Variants in IST1 observed in about 807,000 individuals in gnomAD.
IST1 encodes IST1 homolog.
IST1 carries 23 observed loss-of-function variants against 37.0 expected under a neutral mutation model. The ratio of observed to expected loss-of-function variants is 0.62; its 90% CI spans 0.45 to 0.88. IST1 has a LOEUF of 0.88. IST1 is among the 40% of genes least tolerant of loss of function. IST1 has a pLI of 0.00. For synonymous variants in IST1, 180 were observed against 161.7 expected, an observed-to-expected ratio of 1.11 and a Z score of -0.86; for missense variants, 488 against 445.4, an observed-to-expected ratio of 1.10 and a Z score of -0.86.
At chr16:71,901,248 C>T (rs1339840420) in intron 1 of IST1, among the ~76,000 whole-genome samples, 1 of 151,932 alleles carries the variant, frequency 6.6e-6, no homozygotes, top group Non-Finnish European at 1.5e-5. Context: ...GAATCTTGCT[C>T]TGTCGCCCAG....
intron 3 of IST1, 136 bp downstream of exon 3, chr16:71,916,778 A>G: frequency 5.2e-6 from 4 of 766,854 alleles, no homozygotes; most frequent in Non-Finnish European, 8.1e-6. Context: ...GGCCTGTTAA[A>G]AAGAAAATAC....
chr16:71,916,456 T>C lies in IST1; in HGVS notation c.89-6T>C. 1.9e-6 allele frequency: 3 copies of C among 1,611,678 alleles called. No homozygotes were observed. The highest frequency in any genetic ancestry group is 2.2e-5 in the South Asian group (2 of 90,930). ...CTGTGAGATCGGAGTGGGATTTGTG[T>C]CTTAGCGGAACTGGCCCAGAAAGCA... On this transcript the variant is annotated splice_polypyrimidine_tract_variant and splice_region_variant and intron_variant, in intron 2 of 9. Coordinates refer to ENST00000378799, the MANE Select transcript of IST1 (RefSeq NM_001270975.2).
At chr16:71,914,269 C>T (rs558083505) in intron 1 of IST1, among the ~76,000 whole-genome samples, 2 of 151,742 alleles carry the variant, frequency 1.3e-5, no homozygotes, top group South Asian at 4.2e-4. Flanking sequence ...AGCGATTCTC[C>T]TGTCTCAGTC....
chr16:71,906,675 C>G (rs2037231485), intron 1 of IST1, among the ~76,000 whole-genome samples: 1 of 152,238 alleles, frequency 6.6e-6, no homozygotes, highest in Admixed American at 6.5e-5. Flanking sequence ...TTTCCCTCAT[C>G]TGAGAATGAC....
intron 1 of IST1, among the ~76,000 whole-genome samples, chr16:71,898,349 A>G (rs935334425): frequency 1.0e-4 from 14 of 139,558 alleles, no homozygotes; most frequent in Admixed American, 2.3e-4. Context: ...CTGCCTGGTG[A>G]CAGAGACACT....
chr16:71,894,637 TG>T, upstream of IST1: 1 of 487,646 alleles, frequency 2.1e-6, no homozygotes, highest in Non-Finnish European at 3.7e-6. Flanking sequence ...GCGATCTTCC[TG>T]CCTCAGCCTC....
Position 71,929,394 on chromosome 16 carries a change from A to T in IST1, c.*1581A>T. The T allele has an allele frequency of 1.3e-6, 1 of 782,910 alleles. No individual in the cohort carries two copies. The highest frequency in any genetic ancestry group is 2.0e-6 in the Non-Finnish European group (1 of 511,806). 48.5% of individuals were successfully genotyped at this position (782,910 alleles called of 1,614,324 possible). A position where few individuals can be genotyped will look rare whatever the true frequency, so the allele number is the denominator to read the frequency against. Reference sequence around the variant, plus strand: ...TTAATCCTATCTTGACAGTGCCAAGATCCATAAGAACTTGGGACCAAGGGG... The same window carrying T: ...TTAATCCTATCTTGACAGTGCCAAGTTCCATAAGAACTTGGGACCAAGGGG... On this transcript the variant is annotated 3_prime_UTR_variant, in exon 10 of 10. Coordinates refer to ENST00000378799, the MANE Select transcript of IST1 (RefSeq NM_001270975.2).
At chr16:71,919,719 C>T (rs895416019) in intron 4 of IST1, among the ~76,000 whole-genome samples, 3 of 152,190 alleles carry the variant, frequency 2.0e-5, no homozygotes, top group African/African-American at 7.2e-5. Flanking sequence ...CTCAGCAAAG[C>T]ATCACTTCCC....
At position 71,919,448 on chromosome 16, in the gene IST1, A is replaced by T. The variant is rs145903507; in HGVS notation, c.358-1291A>T. Among the ~76,000 whole-genome samples, 103 of 152,332 alleles carry T rather than the reference A, an allele frequency of 6.8e-4. 1 individual carries two copies. Among genetic ancestry groups the T allele is most frequent in the Admixed American group, 3.9e-4 (6 of 15,294 alleles). On this transcript the variant is annotated intron_variant, in intron 4 of 9. Transcript: ENST00000378799. ...ACCCAGGCTGGAGTGCAGTGGCACGATCTTGCCTCACTGCAGCCTCGGCTT... is the reference window on the plus strand; with the variant it reads ...ACCCAGGCTGGAGTGCAGTGGCACGTTCTTGCCTCACTGCAGCCTCGGCTT...
Position 71,930,271 on chromosome 16 carries a change from A to C in IST1, c.*2458A>C. On this transcript the variant is annotated 3_prime_UTR_variant, in exon 10 of 10. Coordinates refer to ENST00000378799, the MANE Select transcript of IST1 (RefSeq NM_001270975.2). ...GCTATATGCTAGTGTTTGGGATCTT[A>C]TCAGAAGAAAAGCTTATCCGAAGGA... 7.6e-7 allele frequency: 1 copy of C among 1,323,092 alleles called. No individual in the cohort carries two copies. Among genetic ancestry groups the C allele is most frequent in the Non-Finnish European group, 9.9e-7 (1 of 1,008,158 alleles). 82.0% of individuals were successfully genotyped at this position (1,323,092 alleles called of 1,614,324 possible).
chr16:71,903,466 C>T (rs2037154050), intron 1 of IST1: 2 of 152,142 alleles, frequency 1.3e-5, no homozygotes, highest in South Asian at 4.1e-4. Context: ...GTTGAATTCC[C>T]AAATGTTAAG....
Position 71,922,517 on chromosome 16 carries a change from G to A in IST1, c.596G>A (p.Gly199Glu). The A allele has an allele frequency of 6.2e-7, 1 of 1,614,174 alleles. No homozygotes were observed. The highest frequency in any genetic ancestry group is 8.5e-7 in the Non-Finnish European group (1 of 1,180,026). Residue 199 changes from glycine to glutamate, a missense_variant, in exon 7 of 10, where the codon GGA becomes GAA. Coordinates refer to ENST00000378799, the MANE Select transcript of IST1 (RefSeq NM_001270975.2). Reference sequence around the variant, plus strand: ...GTAGAGACAGATCTTATTGATGTTGGATTCACAGATGATGTGAAGAAAGGA... The same window carrying A: ...GTAGAGACAGATCTTATTGATGTTGAATTCACAGATGATGTGAAGAAAGGA... ...PGVETDLIDV[G>E]FTDDVKKGGP...
chr16:71,918,519 C>T (rs936886375), intron 4 of IST1, among the ~76,000 whole-genome samples: 11 of 150,442 alleles, frequency 7.3e-5, no homozygotes, highest in Non-Finnish European at 1.5e-4. Flanking sequence ...TGGGTTGAAG[C>T]GATTCTTTTG....
intron 1 of IST1, among the ~76,000 whole-genome samples, chr16:71,900,259 C>G (rs2037075326): frequency 6.6e-6 from 1 of 150,960 alleles, no homozygotes; most frequent in Non-Finnish European, 1.5e-5. Context: ...CAGTCTTGAC[C>G]TTGCTCTCTC....
At chr16:71,907,839 G>T (rs935599072) in intron 1 of IST1, among the ~76,000 whole-genome samples, 1 of 151,916 alleles carries the variant, frequency 6.6e-6, no homozygotes, top group South Asian at 2.1e-4. Context: ...TTTGAGACAG[G>T]ATCTTACCAT....
chr16:71,899,471 T>TC (rs2037052839), intron 1 of IST1, among the ~76,000 whole-genome samples: 1 of 152,246 alleles, frequency 6.6e-6, no homozygotes, highest in East Asian at 1.9e-4. Flanking sequence ...TGGAAATGTG[T>TC]CCTAGCACCT....
At chr16:71,915,769 A>G in intron 2 of IST1, 41 bp downstream of exon 2, 1 of 1,213,134 alleles carries the variant, frequency 8.2e-7, no homozygotes, top group Non-Finnish European at 1.2e-6. Flanking sequence ...AAATCACTGG[A>G]TACTAGCACC....
At chr16:71,916,416 G>A in intron 2 of IST1, 46 bp from the exon 3 acceptor site, 2 of 1,591,606 alleles carry the variant, frequency 1.3e-6, no homozygotes, top group Non-Finnish European at 1.7e-6. Flanking sequence ...TAGGCCAGAT[G>A]CAAGTGCTCT....
At chr16:71,917,160 T>G in intron 4 of IST1, 26 bp downstream of exon 4, 1 of 1,360,022 alleles carries the variant, frequency 7.4e-7, no homozygotes, top group Non-Finnish European at 1.0e-6. Flanking sequence ...TTCAGTGATG[T>G]CTGTAGCTTT....
Sources: allele counts gnomAD v4.1 joint callset (sites outside exome capture counted in the v4.1 genomes callset), GRCh38; gene constraint gnomAD v4.1.1; transcripts MANE v1.5; gene names NCBI Gene and HGNC (gene_info 2026-07-23, HGNC 2026-07-21).